Variants in PNPLA7 observed in about 807,000 individuals in gnomAD.
PNPLA7 encodes the protein patatin-like phospholipase domain-containing protein 7.
In PNPLA7, 153 loss-of-function variants were observed where a neutral mutation model predicts 161.7. The ratio of observed to expected loss-of-function variants is 0.95; its 90% CI spans 0.83 to 1.08. The LOEUF is 1.08. PNPLA7 is among the 50% of genes least tolerant of loss of function. PNPLA7 has a pLI of 0.00. For missense variants in PNPLA7, 1,739 were observed against 1,856.6 expected (o/e 0.94, Z 1.16); for synonymous variants, 809 against 782.1 (o/e 1.03, Z -0.57).
chr9:137,526,451 G>T (rs1280926648), intron 8 of PNPLA7, among the ~76,000 whole-genome samples: 3 of 152,170 alleles, frequency 2.0e-5, no homozygotes, highest in Non-Finnish European at 4.4e-5. Context: ...TTAATGTTTT[G>T]TATTTTTAGT....
At chr9:137,481,508 A>C (rs1832218437) in intron 21 of PNPLA7, among the ~76,000 whole-genome samples, 1 of 152,162 alleles carries the variant, frequency 6.6e-6, no homozygotes, top group Non-Finnish European at 1.5e-5. Flanking sequence ...GCCCTTCTCA[A>C]CCAGGGGCGC....
rs1832856154 is a variant in PNPLA7, at chr9:137,493,014, T to C, written c.2196A>G (p.Thr732=). ...TCTGGGTTGGGAGAGGTGACCCACC[T>C]GTCACAGGTCCCTGCTGGAGGCTGC... The part of the protein sequence containing the change: ...ILGSLQQGPV[T]GHQLGLPTEG... The change falls in exon 20 of 35, where the codon ACA becomes ACG. Residue 732 remains threonine, a splice_region_variant and synonymous_variant. Transcript: ENST00000406427. 1 of 1,613,298 alleles carries C rather than the reference T, an allele frequency of 6.2e-7. No individual in the cohort carries two copies. The highest frequency in any genetic ancestry group is 1.3e-5 in the African/African-American group (1 of 74,884).
chr9:137,547,586 A>T lies in PNPLA7; in HGVS notation c.104T>A (p.Met35Lys), dbSNP rs533896970. 1 of 1,613,246 alleles carries T rather than the reference A, an allele frequency of 6.2e-7. No individual in the cohort carries two copies. The highest frequency in any genetic ancestry group is 8.5e-7 in the Non-Finnish European group (1 of 1,179,832). Reference sequence around the variant, plus strand: ...TCCAGGGAAGCGTGAGGTGATTACCATGGTGGACGGTGAACCTTCCTCCGT... The same window carrying T: ...TCCAGGGAAGCGTGAGGTGATTACCTTGGTGGACGGTGAACCTTCCTCCGT... The part of the protein sequence containing the change: ...WFTEEGSPST[M>K]LTGIAVGALL... Residue 35 changes from methionine (M) to lysine (K), a missense_variant and splice_region_variant, in exon 2 of 35, where the codon ATG becomes AAG. Around this residue, in one of 6 missense-constraint regions of PNPLA7, gnomAD observed 209 missense variants for 252.8 expected, o/e 0.83. Coordinates refer to ENST00000406427, the MANE Select transcript of PNPLA7 (RefSeq NM_001098537.3). The surrounding 1 kb of genome is among the most constrained non-coding windows in gnomAD (Gnocchi z 4.6).
chr9:137,519,200 G>A (rs1834853024), intron 11 of PNPLA7, among the ~76,000 whole-genome samples: 1 of 152,222 alleles, frequency 6.6e-6, no homozygotes, highest in African/African-American at 2.4e-5. Flanking sequence ...GGAACATGAT[G>A]GGCTATAAAT....
At chr9:137,474,195 CA>C (rs1831836657) in intron 25 of PNPLA7, among the ~76,000 whole-genome samples, 1 of 152,194 alleles carries the variant, frequency 6.6e-6, no homozygotes, top group South Asian at 2.1e-4. Flanking sequence ...GCTGAGATTG[CA>C]CCACTGCACT....
At chr9:137,494,110 C>T (rs547055407) in intron 19 of PNPLA7, among the ~76,000 whole-genome samples, 12 of 152,314 alleles carry the variant, frequency 7.9e-5, no homozygotes, top group Admixed American at 7.2e-4. Flanking sequence ...CACACCTGCA[C>T]CCCCTTTCCA....
chr9:137,463,358 G>A (rs1332448073), intron 29 of PNPLA7, 57 bp downstream of exon 29: 3 of 1,456,070 alleles, frequency 2.1e-6, no homozygotes, highest in African/African-American at 1.4e-5. Flanking sequence ...GGGGCCGTGG[G>A]GCGGCGTGAC....
At position 137,499,312 on chromosome 9, in the gene PNPLA7, GGAGACACACA is replaced by G. The variant is rs961087034; in HGVS notation, c.1758-1077_1758-1068del. On this transcript the variant is annotated intron_variant, in intron 16 of 34. Transcript: ENST00000406427. This position sits in a 1 kb window ranked among gnomAD's most constrained non-coding sequence, Gnocchi z 5.5. The stretch of plus-strand genomic sequence containing the variant: ...GACACACGGACACATGCAGACACAT[GGAGACACACA>G]GAGACACACGCAGACACACGACACA... 1.5e-3 allele frequency among the ~76,000 whole-genome samples: 232 copies of G among 151,524 alleles called. No individual in the cohort carries two copies. The highest frequency in any genetic ancestry group is 6.8e-3 in the Middle Eastern group (2 of 292).
chr9:137,505,789 C>G lies in PNPLA7; in HGVS notation c.1327-29G>C, dbSNP rs377040424. The G allele has an allele frequency of 3.7e-6, 6 of 1,611,652 alleles. No individual in the cohort carries two copies. The South Asian group carries it at 6.6e-5, about 18-fold the overall frequency. On this transcript the variant is annotated intron_variant, in intron 13 of 34. Transcript: ENST00000406427. ...GAGAAGAACGGAGATACCGGCAATT[C>G]GAAGGGATGTGGTTGGGGAACATCG...
chr9:137,471,888 T>A (rs780156633), intron 25 of PNPLA7, among the ~76,000 whole-genome samples: 1 of 151,864 alleles, frequency 6.6e-6, no homozygotes, highest in East Asian at 1.9e-4. Flanking sequence ...CACATGCAAA[T>A]GCAAAGGGCC....
At position 137,519,922 on chromosome 9, in the gene PNPLA7, TC is replaced by T; in HGVS notation, c.1078del (p.Asp360ThrfsTer16). ...TCCTTGGTGCAGGACAGTACCTGAGTCACAGGACTCCTGGAGCCGCGGTGGC... is the reference window on the plus strand; with the variant it reads ...TCCTTGGTGCAGGACAGTACCTGAGTACAGGACTCCTGGAGCCGCGGTGGC... ...KKPPRLQESC[D>X]SDHGGGRPAA... On this transcript the variant is annotated frameshift_variant, in exon 11 of 35. Transcript: ENST00000406427. LOFTEE classifies it high-confidence loss of function. 3 of 1,612,042 alleles carry T rather than the reference TC, an allele frequency of 1.9e-6. No individual in the cohort carries two copies. Among genetic ancestry groups the T allele is most frequent in the Non-Finnish European group, 2.5e-6 (3 of 1,179,594 alleles).
At chr9:137,465,736 G>A (rs576490997) in intron 26 of PNPLA7, among the ~76,000 whole-genome samples, 7 of 152,188 alleles carry the variant, frequency 4.6e-5, no homozygotes, top group African/African-American at 1.7e-4. Flanking sequence ...AGCTGCTGCC[G>A]CACAGGGGGT....
chr9:137,517,113 T>G (rs1328327541), intron 11 of PNPLA7, among the ~76,000 whole-genome samples: 1 of 140,580 alleles, frequency 7.1e-6, no homozygotes, highest in Non-Finnish European at 1.5e-5. Flanking sequence ...CCTCACTCAC[T>G]CACTCCACTC....
rs534209897 is a variant in PNPLA7 at position 137,504,631 on chromosome 9, C to A, written c.1473+983G>T. On this transcript the variant is annotated intron_variant, in intron 14 of 34. Coordinates refer to ENST00000406427, the MANE Select transcript of PNPLA7 (RefSeq NM_001098537.3). The stretch of plus-strand genomic sequence containing the variant: ...CATGACACAGTCAGGGGTCCAGGAA[C>A]ACGCTGGGTGGGTGAGCAATCGCAG... Among the ~76,000 whole-genome samples the A allele has an allele frequency of 3.3e-5, 5 of 152,338 alleles. No homozygotes were observed. In the South Asian group the frequency reaches 8.3e-4, roughly 25 times the overall value.
Position 137,500,649 on chromosome 9 carries a change from G to T in PNPLA7, c.1757+42C>A. 6.3e-7 allele frequency: 1 copy of T among 1,584,952 alleles called. No individual in the cohort carries two copies. The highest frequency in any genetic ancestry group is 8.6e-7 in the Non-Finnish European group (1 of 1,159,048). ...CGCGGGGAGGGGTCTCAGGGCAGGGGGGGCTGGGGCCCGCCCTGAGGTCCT... is the reference window on the plus strand; with the variant it reads ...CGCGGGGAGGGGTCTCAGGGCAGGGTGGGCTGGGGCCCGCCCTGAGGTCCT... On this transcript the variant is annotated intron_variant, in intron 16 of 34. Coordinates refer to ENST00000406427, the MANE Select transcript of PNPLA7 (RefSeq NM_001098537.3). The surrounding 1 kb of genome is among the most constrained non-coding windows in gnomAD (Gnocchi z 5.5).
At chr9:137,522,174 A>C (rs570456105) in intron 9 of PNPLA7, among the ~76,000 whole-genome samples, 173 of 152,316 alleles carry the variant, frequency 1.1e-3, no homozygotes, top group African/African-American at 3.9e-3. Flanking sequence ...TCCCGGGTTC[A>C]TGCCGTTCTC....
rs912572798 is a variant in PNPLA7 at position 137,523,003 on chromosome 9, G to A, written c.748-146C>T. 7 of 1,189,752 alleles carry A rather than the reference G, an allele frequency of 5.9e-6. No homozygotes were observed. Among genetic ancestry groups the A allele is most frequent in the African/African-American group, 1.5e-5 (1 of 64,942 alleles). 73.7% of individuals were successfully genotyped at this position (1,189,752 alleles called of 1,614,324 possible). ...TCCCTCCCAGGCTGGGCTGTGCAAA[G>A]TGCTGCTTTTGGCACCAGCTGCACA... On this transcript the variant is annotated intron_variant, in intron 8 of 34. Transcript: ENST00000406427. The surrounding 1 kb of genome is among the most constrained non-coding windows in gnomAD (Gnocchi z 4.4).
intron 9 of PNPLA7, among the ~76,000 whole-genome samples, chr9:137,522,363 C>T (rs954511488): frequency 4.1e-5 from 6 of 145,352 alleles, no homozygotes; most frequent in South Asian, 2.1e-4. Context: ...CGGGAGCCGC[C>T]GCGCCCGGCC....
chr9:137,471,055 G>A lies in PNPLA7; in HGVS notation c.2883-3582C>T, dbSNP rs558450743. ...CCACCACGTCTATCCACAGTGCAGC[G>A]GTGGTTCCCACCAGCACAGTAAGGC... On this transcript the variant is annotated intron_variant, in intron 25 of 34. Coordinates refer to ENST00000406427, the MANE Select transcript of PNPLA7 (RefSeq NM_001098537.3). 6.6e-5 allele frequency among the ~76,000 whole-genome samples: 10 copies of A among 152,312 alleles called. No homozygotes were observed. In the South Asian group the frequency reaches 8.3e-4, roughly 13 times the overall value.
Sources: gnomAD v4.1 joint callset for allele counts (sites outside exome capture counted in the v4.1 genomes callset) on GRCh38, gnomAD v4.1.1 for gene constraint, gnomAD v4.1.1 regional missense constraint, Gnocchi (gnomAD v3.1) non-coding constraint, MANE v1.5 for transcripts, NCBI Gene and HGNC (gene_info 2026-07-23, HGNC 2026-07-21) for gene names.